The following EPHA4 variants were observed in gnomAD, a reference collection of about 807,000 sequenced individuals.
EPHA4 encodes the protein EPH receptor A4.
EPHA4 carries 19 observed loss-of-function variants against 108.3 expected under a neutral mutation model. The ratio of observed to expected loss-of-function variants is 0.18; its 90% confidence interval spans 0.12 to 0.26. The LOEUF is 0.26. Ranked by LOEUF, EPHA4 falls within the 10% of genes least tolerant of loss-of-function variation. The pLI, the probability that EPHA4 is intolerant of heterozygous loss-of-function variation, is 1.00. For missense variants in EPHA4, 917 were observed against 1,254.0 expected (o/e 0.73, Z 4.06); for synonymous variants, 449 against 455.5 (o/e 0.99, Z 0.18).
upstream of EPHA4, chr2:221,572,378 G>A: frequency 5.3e-6 from 4 of 761,268 alleles, no homozygotes; most frequent in Admixed American, 2.6e-5. Flanking sequence ...CCGCCAGTCC[G>A]GGGCCCGCGG....
At chr2:221,460,562 T>C (rs557415793) in intron 5 of EPHA4, among the ~76,000 whole-genome samples, 1 of 152,346 alleles carries the variant, frequency 6.6e-6, no homozygotes, top group African/African-American at 2.4e-5. Flanking sequence ...CTGCATTGTA[T>C]GTGGAGAGCT....
chr2:221,479,247 C>T (rs1691749548), intron 5 of EPHA4, among the ~76,000 whole-genome samples: 2 of 152,232 alleles, frequency 1.3e-5, no homozygotes, highest in African/African-American at 2.4e-5. Flanking sequence ...CTTTTTAGTA[C>T]TGGCTCTGAC....
chr2:221,425,853 T>G lies in EPHA4; in HGVS notation c.*175A>C, dbSNP rs1689883635. 1.6e-6 allele frequency: 1 copy of G among 611,792 alleles called. No homozygotes were observed. Among genetic ancestry groups the G allele is most frequent in the African/African-American group, 1.8e-5 (1 of 54,132 alleles). The allele number at this position is 611,792 out of a possible 1,614,324, so 37.9% of individuals were successfully genotyped here. ...TTCAAATGACCGGCAGTCATTTCTG[T>G]AAGCCCCACAGTTTCAGCAATCTGT... On this transcript the variant is annotated 3_prime_UTR_variant, in exon 17 of 18. Coordinates refer to ENST00000281821, the MANE Select transcript of EPHA4 (RefSeq NM_004438.5).
chr2:221,456,486 A>T, intron 7 of EPHA4, 127 bp downstream of exon 7: 1 of 876,206 alleles, frequency 1.1e-6, no homozygotes, highest in Non-Finnish European at 1.7e-6. Flanking sequence ...TTCAAGACAT[A>T]TTCATTGCAG....
intron 3 of EPHA4, among the ~76,000 whole-genome samples, chr2:221,556,568 T>G (rs1205589249): frequency 6.6e-6 from 1 of 151,744 alleles, no homozygotes; most frequent in African/African-American, 2.4e-5. Context: ...CCCAAAGTGC[T>G]GGGATTACAG....
intron 3 of EPHA4, among the ~76,000 whole-genome samples, chr2:221,556,607 T>TC (rs954266243): frequency 4.0e-5 from 6 of 151,114 alleles, no homozygotes; most frequent in Non-Finnish European, 8.9e-5. Flanking sequence ...AGTCACTACT[T>TC]TTTTTTTTCA....
intron 3 of EPHA4, among the ~76,000 whole-genome samples, chr2:221,551,148 C>T (rs934358848): frequency 6.6e-6 from 1 of 151,914 alleles, no homozygotes; most frequent in Non-Finnish European, 1.5e-5. Context: ...GAGAAAAATA[C>T]ATATATGATT....
intron 5 of EPHA4, among the ~76,000 whole-genome samples, chr2:221,464,529 C>T (rs1312093570): frequency 6.6e-6 from 1 of 152,188 alleles, no homozygotes; most frequent in Non-Finnish European, 1.5e-5. Flanking sequence ...TCCTCTCAAG[C>T]TAGGCAATAC....
chr2:221,519,040 AATCTT>A, intron 3 of EPHA4, among the ~76,000 whole-genome samples: 1 of 152,146 alleles, frequency 6.6e-6, no homozygotes, highest in Non-Finnish European at 1.5e-5. Context: ...AGAAGAAATA[AATCTT>A]ATCAAAGGCA....
At chr2:221,479,790 C>T (rs1165395185) in intron 5 of EPHA4, among the ~76,000 whole-genome samples, 1 of 152,134 alleles carries the variant, frequency 6.6e-6, no homozygotes, top group Non-Finnish European at 1.5e-5. Context: ...CAATTCTCTA[C>T]TAAGTGAAAG....
chr2:221,550,446 AGAGAG>A (rs1694123689), intron 3 of EPHA4, among the ~76,000 whole-genome samples: 2 of 151,550 alleles, frequency 1.3e-5, no homozygotes, highest in South Asian at 4.2e-4. Flanking sequence ...AGAGAGAGAG[AGAGAG>A]AGAATGTAGA....
chr2:221,455,423 AC>A, intron 8 of EPHA4, 123 bp downstream of exon 8: 1 of 716,016 alleles, frequency 1.4e-6, no homozygotes, highest in South Asian at 1.8e-5. Context: ...CAAGGAGGAA[AC>A]TTGGGATGCA....
chr2:221,515,905 T>G (rs962211221), intron 3 of EPHA4, among the ~76,000 whole-genome samples: 1 of 151,792 alleles, frequency 6.6e-6, no homozygotes, highest in East Asian at 1.9e-4. Context: ...AAAATAGGAT[T>G]TTTTCCCCCT....
chr2:221,495,516 TCTGTTCTAAACTCC>T (rs886240823), intron 4 of EPHA4, among the ~76,000 whole-genome samples: 5 of 152,194 alleles, frequency 3.3e-5, no homozygotes, highest in African/African-American at 1.2e-4. Flanking sequence ...TTTAAAAAGC[TCTGTTCTAAACTCC>T]CTGTTCTAAA....
At chr2:221,475,276 G>A (rs187594484) in intron 5 of EPHA4, among the ~76,000 whole-genome samples, 5 of 152,336 alleles carry the variant, frequency 3.3e-5, no homozygotes, top group African/African-American at 1.2e-4. Flanking sequence ...AGTGAAGCAT[G>A]TCTCACATAA....
intron 3 of EPHA4, among the ~76,000 whole-genome samples, chr2:221,555,255 C>T (rs1013185115): frequency 1.3e-5 from 2 of 152,152 alleles, no homozygotes; most frequent in Admixed American, 6.5e-5. Flanking sequence ...AAATCAAAAC[C>T]GAATTAATTT....
At chr2:221,504,952 G>C (rs1451449101) in intron 3 of EPHA4, among the ~76,000 whole-genome samples, 1 of 152,130 alleles carries the variant, frequency 6.6e-6, no homozygotes, top group African/African-American at 2.4e-5. Flanking sequence ...ATATGACTTG[G>C]GTATAATGGA....
intron 4 of EPHA4, among the ~76,000 whole-genome samples, chr2:221,498,231 T>C (rs961665597): frequency 6.6e-6 from 1 of 152,190 alleles, no homozygotes; most frequent in African/African-American, 2.4e-5. Flanking sequence ...CCATCAGAGA[T>C]ACATTTCATG....
chr2:221,440,142 G>T (rs542605060), intron 11 of EPHA4, among the ~76,000 whole-genome samples: 3 of 152,332 alleles, frequency 2.0e-5, no homozygotes, highest in African/African-American at 7.2e-5. Context: ...CAGTAGGCAG[G>T]GATGCAGTGG....
Sources: gnomAD v4.1 joint callset for allele counts (sites outside exome capture counted in the v4.1 genomes callset) on GRCh38, gnomAD v4.1.1 for gene constraint, MANE v1.5 for transcripts, NCBI Gene and HGNC (gene_info 2026-07-23, HGNC 2026-07-21) for gene names.